Variants in SEC23A observed in about 807,000 individuals in gnomAD.
SEC23A encodes protein transport protein Sec23A.
SEC23A carries 56 observed loss-of-function variants against 103.7 expected under a neutral mutation model. The observed-to-expected ratio is 0.54, with a 90% CI of 0.44 to 0.67. The LOEUF (loss-of-function observed/expected upper bound fraction) is 0.67. SEC23A is among the 30% of genes least tolerant of loss of function. SEC23A has a pLI of 0.00. For missense variants in SEC23A, 784 were observed against 936.4 expected, an observed-to-expected ratio of 0.84 and a Z score of 2.12; for synonymous variants, 281 against 293.0, an observed-to-expected ratio of 0.96 and a Z score of 0.42.
intron 3 of SEC23A, 89 bp from the exon 4 acceptor site, chr14:39,092,716 A>G: frequency 1.3e-6 from 1 of 754,270 alleles, no homozygotes; most frequent in Non-Finnish European, 2.2e-6. Flanking sequence ...CTGATCATTT[A>G]ATTATTTTTA....
intron 16 of SEC23A, among the ~76,000 whole-genome samples, chr14:39,043,597 G>T (rs990300926): frequency 2.0e-5 from 3 of 152,116 alleles, no homozygotes; most frequent in African/African-American, 7.2e-5. Context: ...TAAAGCAATG[G>T]GATTAGACTA....
At chr14:39,069,453 A>G (rs914438997) in intron 9 of SEC23A, among the ~76,000 whole-genome samples, 3 of 151,878 alleles carry the variant, frequency 2.0e-5, no homozygotes, top group African/African-American at 7.3e-5. Flanking sequence ...TCACAGGTAC[A>G]TTCTCTTTAT....
intron 9 of SEC23A, among the ~76,000 whole-genome samples, chr14:39,073,417 T>A (rs139239067): frequency 0.015 from 2,215 of 151,454 alleles, 62 homozygotes; most frequent in African/African-American, 0.05. Context: ...CTCAGCCTCC[T>A]GAGTAGCTGG....
At chr14:39,091,136 A>T in intron 5 of SEC23A, 1 of 363,524 alleles carries the variant, frequency 2.8e-6, no homozygotes, top group Non-Finnish European at 5.0e-6. Flanking sequence ...AAAAAGCTGA[A>T]CTCTTAAGAA....
intron 5 of SEC23A, among the ~76,000 whole-genome samples, chr14:39,089,786 G>A (rs528489491): frequency 5.3e-5 from 8 of 152,258 alleles, no homozygotes; most frequent in East Asian, 3.9e-4. Flanking sequence ...GTGAAACCAC[G>A]TCTCTACAAA....
At chr14:39,059,298 A>AC (rs1566491533) in intron 13 of SEC23A, among the ~76,000 whole-genome samples, 18,063 of 123,054 alleles carry the variant, frequency 0.15, 1,499 homozygotes, top group Non-Finnish European at 0.21. Context: ...AAAAAAAAAA[A>AC]AAAAAAAAAA....
At chr14:39,039,370 C>A in intron 18 of SEC23A, 2 of 355,228 alleles carry the variant, frequency 5.6e-6, no homozygotes, top group Non-Finnish European at 9.9e-6. Flanking sequence ...ATGTGTGCAA[C>A]AATTATGACA....
chr14:39,039,232 A>T (rs1056942842), intron 18 of SEC23A, 136 bp from the exon 19 acceptor site: 5 of 738,678 alleles, frequency 6.8e-6, no homozygotes, highest in Non-Finnish European at 1.1e-5. Context: ...AATTTTTAAA[A>T]GATTAAACTT....
chr14:39,050,878 G>T (rs552012121), intron 14 of SEC23A, among the ~76,000 whole-genome samples: 1 of 152,246 alleles, frequency 6.6e-6, no homozygotes, highest in Non-Finnish European at 1.5e-5. Flanking sequence ...TCCGAACAAG[G>T]GACTGAGAAT....
Position 39,063,293 on chromosome 14 carries a change from C to T in SEC23A, c.1398+31G>A, listed in dbSNP as rs544728067. The T allele has an allele frequency of 7.7e-5, 100 of 1,292,032 alleles. 2 individuals carry two copies. The highest frequency in any genetic ancestry group is 5.9e-4 in the South Asian group (50 of 84,424). The allele number at this position is 1,292,032 out of a possible 1,614,324, so 80.0% of individuals were successfully genotyped here. ...AGTACTTATTCAAATGTACGTTGTA[C>T]GTTTTGATATTCAGATGTAGAAAGT... is the stretch of plus-strand genomic sequence containing the variant. On this transcript the variant is annotated intron_variant, in intron 12 of 19. Transcript: ENST00000307712.
At chr14:39,083,671 T>G (rs1236979992) in intron 7 of SEC23A, among the ~76,000 whole-genome samples, 1 of 147,348 alleles carries the variant, frequency 6.8e-6, no homozygotes, top group African/African-American at 2.5e-5. Context: ...CAGGTGATTC[T>G]CCTGCTTCAG....
chr14:39,059,429 G>C (rs1454838044), intron 13 of SEC23A, among the ~76,000 whole-genome samples: 1 of 151,690 alleles, frequency 6.6e-6, no homozygotes, highest in Non-Finnish European at 1.5e-5. Context: ...TCTACAAATA[G>C]CCTCATAAAT....
intron 1 of SEC23A, among the ~76,000 whole-genome samples, chr14:39,101,622 C>CAA (rs575911630): frequency 2.8e-4 from 25 of 89,076 alleles, no homozygotes; most frequent in African/African-American, 7.8e-4. Context: ...GACTCCGTCT[C>CAA]AAAAAAAAAA....
intron 15 of SEC23A, among the ~76,000 whole-genome samples, chr14:39,045,809 T>C (rs1329666634): frequency 1.3e-5 from 2 of 152,266 alleles, no homozygotes; most frequent in Non-Finnish European, 2.9e-5. Flanking sequence ...CTTTGGGCTT[T>C]TTTATTACTA....
At chr14:39,072,645 C>G (rs568679660) in intron 9 of SEC23A, among the ~76,000 whole-genome samples, 263 of 150,548 alleles carry the variant, frequency 1.7e-3, no homozygotes, top group Admixed American at 6.6e-3. Context: ...CTCGTCTCCA[C>G]AAAAAAAAAG....
At chr14:39,098,756 A>C (rs1006206101) in intron 1 of SEC23A, among the ~76,000 whole-genome samples, 1 of 151,784 alleles carries the variant, frequency 6.6e-6, no homozygotes, top group South Asian at 2.1e-4. Context: ...CCTGGGCGAC[A>C]GAGTGAGACT....
At chr14:39,038,920 T>A in intron 19 of SEC23A, 111 bp downstream of exon 19, 2 of 959,374 alleles carry the variant, frequency 2.1e-6, no homozygotes, top group Non-Finnish European at 3.3e-6. Flanking sequence ...TACATTACTT[T>A]TCCAACAGAA....
At chr14:39,043,918 T>C (rs1885740532) in intron 16 of SEC23A, among the ~76,000 whole-genome samples, 1 of 152,146 alleles carries the variant, frequency 6.6e-6, no homozygotes, top group Non-Finnish European at 1.5e-5. Context: ...GAAGACAATG[T>C]GAGGTGAGAA....
At chr14:39,068,450 C>T (rs1333694582) in intron 9 of SEC23A, among the ~76,000 whole-genome samples, 4 of 152,176 alleles carry the variant, frequency 2.6e-5, no homozygotes, top group Non-Finnish European at 2.9e-5. Context: ...CAAGGTTATT[C>T]GCTGAAGCAC....
Sources: gnomAD v4.1 joint callset for allele counts (sites outside exome capture counted in the v4.1 genomes callset) on GRCh38, gnomAD v4.1.1 for gene constraint, MANE v1.5 for transcripts, NCBI Gene and HGNC (gene_info 2026-07-23, HGNC 2026-07-21) for gene names.